Variants in SH3TC1 observed in about 807,000 individuals in gnomAD.
The protein encoded by SH3TC1 is SH3 domain and tetratricopeptide repeats 1, also known as SH3 domain and tetratricopeptide repeat-containing protein 1.
SH3TC1 carries 135 observed loss-of-function variants against 117.3 expected under a neutral mutation model. The ratio of observed to expected loss-of-function variants is 1.15; its 90% confidence interval spans 1.00 to 1.33. The LOEUF is 1.33. Ranked by LOEUF, SH3TC1 falls within the 40% of genes most tolerant of loss-of-function variation. The pLI is 0.00. For synonymous variants in SH3TC1, 898 were observed against 816.9 expected (o/e 1.10, Z -1.69); for missense variants, 2,092 against 1,794.3 (o/e 1.17, Z -3.00).
chr4:8,209,171 G>T lies in SH3TC1; in HGVS notation c.173-577G>T, dbSNP rs1013871074. Reference sequence around the variant, plus strand: ...AAGATGCCCATGTCCTTATCCCCACGACCTACGCCTGCATTACCTCATCCA... The same window carrying T: ...AAGATGCCCATGTCCTTATCCCCACTACCTACGCCTGCATTACCTCATCCA... On this transcript the variant is annotated intron_variant, in intron 2 of 17. Transcript: ENST00000245105. The surrounding 1 kb of genome is among the most constrained non-coding windows in gnomAD (Gnocchi z 5.9). Among the ~76,000 whole-genome samples the T allele has an allele frequency of 6.6e-6, 1 of 152,160 alleles. No homozygotes were observed. The highest frequency in any genetic ancestry group is 1.5e-5 in the Non-Finnish European group (1 of 68,038).
In SH3TC1 at chr4:8,234,503, C is replaced by T. The variant is rs939662772; in HGVS notation, c.3283-930C>T. Among the ~76,000 whole-genome samples, 5 of 149,832 alleles carry T rather than the reference C, an allele frequency of 3.3e-5. 1 individual carries two copies. Among genetic ancestry groups the T allele is most frequent in the Admixed American group, 3.3e-4 (5 of 15,038 alleles). Reference sequence around the variant, plus strand: ...TCCATCCATCCATCCACCCATCCATCCATTCATCTGTCCATCCGTCCGTCC... The same window carrying T: ...TCCATCCATCCATCCACCCATCCATTCATTCATCTGTCCATCCGTCCGTCC... On this transcript the variant is annotated intron_variant, in intron 14 of 17. Coordinates refer to ENST00000245105, the MANE Select transcript of SH3TC1 (RefSeq NM_018986.5).
At chr4:8,212,873 A>G (rs1270855006) in intron 4 of SH3TC1, 45 bp downstream of exon 4, 7 of 1,497,476 alleles carry the variant, frequency 4.7e-6, no homozygotes, top group Non-Finnish European at 6.3e-6. Flanking sequence ...AGCTGGAGTC[A>G]GGGGGAGGGA....
In SH3TC1 at chr4:8,216,258, G is replaced by A. The variant is rs762765710; in HGVS notation, c.628+1G>A. The A allele has an allele frequency of 6.2e-7, 1 of 1,612,940 alleles. No individual in the cohort carries two copies. The highest frequency in any genetic ancestry group is 8.5e-7 in the Non-Finnish European group (1 of 1,179,698). On this transcript the variant is annotated splice_donor_variant, in intron 6 of 17. Coordinates refer to ENST00000245105, the MANE Select transcript of SH3TC1 (RefSeq NM_018986.5). LOFTEE classifies it high-confidence loss of function. ...CACGAGAGCCTCCTCATCCAAGAAG[G>A]TGAGCGTTGCATGGGGTGATGGCCG...
intron 12 of SH3TC1, 131 bp from the exon 13 acceptor site, chr4:8,231,845 C>T (rs990414251): frequency 3.6e-5 from 37 of 1,036,768 alleles, no homozygotes; most frequent in Non-Finnish European, 4.6e-5. Flanking sequence ...GTGTGCTCAG[C>T]GGTTCCCCGC....
upstream of SH3TC1, among the ~76,000 whole-genome samples, chr4:8,198,107 C>G (rs113738022): frequency 2.0e-5 from 3 of 152,084 alleles, no homozygotes; most frequent in Non-Finnish European, 4.4e-5. Context: ...GACAGCCCCC[C>G]GCCCTGCAAC....
At chr4:8,220,892 T>C (rs1719857451) in intron 9 of SH3TC1, among the ~76,000 whole-genome samples, 1 of 152,260 alleles carries the variant, frequency 6.6e-6, no homozygotes, top group East Asian at 1.9e-4. Flanking sequence ...CATGCACTGA[T>C]GGCAGGAGCT....
intron 1 of SH3TC1, among the ~76,000 whole-genome samples, chr4:8,200,689 C>T (rs781593869): frequency 1.8e-4 from 27 of 152,222 alleles, no homozygotes; most frequent in Admixed American, 6.5e-5. Flanking sequence ...AGGACACAGC[C>T]CTCTCGGTCG....
At position 8,241,042 on chromosome 4, in the gene SH3TC1, A is replaced by G. The variant is rs1722302592; in HGVS notation, c.*87A>G. 2 of 1,547,730 alleles carry G rather than the reference A, an allele frequency of 1.3e-6. No homozygotes were observed. The highest frequency in any genetic ancestry group is 1.4e-5 in the African/African-American group (1 of 72,688). On this transcript the variant is annotated 3_prime_UTR_variant, in exon 18 of 18. Transcript: ENST00000245105. Reference sequence around the variant, plus strand: ...TCGCCGGTGGCTCATTTTCTGGCAAATGGAGGCACGAACGCAGGGGCCAAA... The same window carrying G: ...TCGCCGGTGGCTCATTTTCTGGCAAGTGGAGGCACGAACGCAGGGGCCAAA...
chr4:8,233,390 C>G lies in SH3TC1; in HGVS notation c.3159C>G (p.Thr1053=). 3 of 1,613,354 alleles carry G rather than the reference C, an allele frequency of 1.9e-6. No homozygotes were observed. The highest frequency in any genetic ancestry group is 2.5e-6 in the Non-Finnish European group (3 of 1,179,676). The change falls in exon 14 of 18, where the codon ACC becomes ACG. Residue 1053 remains threonine, a synonymous_variant. Coordinates refer to ENST00000245105, the MANE Select transcript of SH3TC1 (RefSeq NM_018986.5). ...CCTACAAATCCGCACTGGACTACAC[C>G]AAACGAAGTCTGGGGATTTTCATTG... ...ERAYKSALDY[T]KRSLGIFIDL...
chr4:8,218,121 T>G, intron 7 of SH3TC1, 150 bp from the exon 8 acceptor site: 2 of 525,328 alleles, frequency 3.8e-6, no homozygotes, highest in Non-Finnish European at 6.9e-6. Flanking sequence ...CAGGCATGTG[T>G]GTGTGTGTGT....
intron 17 of SH3TC1, among the ~76,000 whole-genome samples, chr4:8,238,598 T>C (rs888570088): frequency 4.6e-5 from 7 of 152,066 alleles, no homozygotes; most frequent in African/African-American, 1.7e-4. Flanking sequence ...GGCCTGGGGC[T>C]GCCAGGGAGG....
chr4:8,233,273 C>T, intron 13 of SH3TC1, 90 bp from the exon 14 acceptor site: 1 of 1,505,918 alleles, frequency 6.6e-7, no homozygotes, highest in Non-Finnish European at 8.8e-7. Context: ...AGTCCCATTC[C>T]AGATTCATCT....
rs1213282254 is a variant in SH3TC1 at position 8,212,798 on chromosome 4, T to C, written c.345T>C (p.Asn115=). The C allele has an allele frequency of 1.2e-5, 19 of 1,603,662 alleles. No individual in the cohort carries two copies. The highest frequency in any genetic ancestry group is 1.7e-5 in the Admixed American group (1 of 58,782). ...TLRGQLRLLE[N]DSREMARVLG... The stretch of plus-strand genomic sequence containing the variant: ...GGGGCCAGCTCCGCCTGCTGGAGAA[T>C]GATAGCCGGGAGATGGCCCGCGTGC... The change falls in exon 4 of 18, where the codon AAT becomes AAC. Residue 115 remains asparagine (N), a synonymous_variant. Transcript: ENST00000245105.
In SH3TC1 at chr4:8,233,513, G is replaced by C; in HGVS notation, c.3282G>C (p.Gln1094His). The C allele has an allele frequency of 6.2e-7, 1 of 1,606,914 alleles. No individual in the cohort carries two copies. The highest frequency in any genetic ancestry group is 8.5e-7 in the Non-Finnish European group (1 of 1,176,552). Residue 1094 changes from glutamine (Q) to histidine (H), a missense_variant and splice_region_variant, in exon 14 of 18, where the codon CAG becomes CAC. Physicochemically the swap from Gln to His is conservative, Grantham distance 24. Coordinates refer to ENST00000245105, the MANE Select transcript of SH3TC1 (RefSeq NM_018986.5). The part of the protein sequence containing the change: ...RQSELVDLYI[Q>H]VAQNVALYTG... ...GCGAGCTGGTGGACCTCTACATCCA[G>C]GTGAGTGATGAGGGATGCAGGAGGG...
In SH3TC1 at chr4:8,205,402, C is replaced by T; in HGVS notation, c.172+36C>T. 1 of 1,401,826 alleles carries T rather than the reference C, an allele frequency of 7.1e-7. No individual in the cohort carries two copies. The highest frequency in any genetic ancestry group is 1.3e-5 in the South Asian group (1 of 77,390). The allele number at this position is 1,401,826 out of a possible 1,614,324, so 86.8% of individuals were successfully genotyped here. On this transcript the variant is annotated intron_variant, in intron 2 of 17. Transcript: ENST00000245105. This position sits in a 1 kb window ranked among gnomAD's most constrained non-coding sequence, Gnocchi z 5.4. Reference sequence around the variant, plus strand: ...TCCACCCTCACCACCCGCCCTCCATCCCACCCACTTCTCCACCCCACCCGC... The same window carrying T: ...TCCACCCTCACCACCCGCCCTCCATTCCACCCACTTCTCCACCCCACCCGC...
Position 8,205,353 on chromosome 4 carries a change from G to C in SH3TC1, c.159G>C (p.Ala53=), listed in dbSNP as rs142606791. The change falls in exon 2 of 18, where the codon GCG becomes GCC. Residue 53 remains alanine (A), a synonymous_variant. Coordinates refer to ENST00000245105, the MANE Select transcript of SH3TC1 (RefSeq NM_018986.5). This position sits in a 1 kb window ranked among gnomAD's most constrained non-coding sequence, Gnocchi z 5.4. ...WEKAGPEEAK[A]PVRGDEAPPA... ...AAGCGGGGCCCGAGGAGGCCAAGGC[G>C]CCAGTGAGAGGCGGTGAGTTCATTC... is the stretch of plus-strand genomic sequence containing the variant. 1 of 1,547,918 alleles carries C rather than the reference G, an allele frequency of 6.5e-7. No homozygotes were observed.
At chr4:8,211,713 C>T (rs1018759787) in intron 3 of SH3TC1, among the ~76,000 whole-genome samples, 2 of 151,744 alleles carry the variant, frequency 1.3e-5, no homozygotes, top group African/African-American at 4.9e-5. Flanking sequence ...CAGATGGGGT[C>T]ACAGCCCCAG....
intron 5 of SH3TC1, among the ~76,000 whole-genome samples, chr4:8,215,011 C>G (rs1719113162): frequency 6.6e-6 from 1 of 152,222 alleles, no homozygotes; most frequent in Admixed American, 6.5e-5. Flanking sequence ...TCACAAAGGC[C>G]TCACTAGCAA....
At chr4:8,235,280 C>T (rs888446516) in intron 14 of SH3TC1, among the ~76,000 whole-genome samples, 153 bp from the exon 15 acceptor site, 5 of 152,316 alleles carry the variant, frequency 3.3e-5, no homozygotes, top group South Asian at 2.1e-4. Context: ...CCCATGCCAG[C>T]GGTGGGGGCG....
Sources: allele counts gnomAD v4.1 joint callset (sites outside exome capture counted in the v4.1 genomes callset), GRCh38; gene constraint gnomAD v4.1.1; non-coding constraint Gnocchi (gnomAD v3.1); transcripts MANE v1.5; gene names NCBI Gene and HGNC (gene_info 2026-07-23, HGNC 2026-07-21).